The following DMD variants were observed in gnomAD, a reference collection of about 807,000 sequenced individuals.
DMD encodes the protein mutant dystrophin.
Under a neutral mutation model 330.1 loss-of-function variants are expected in DMD, and 63 were observed. The ratio of observed to expected loss-of-function variants is 0.19; its 90% CI spans 0.16 to 0.24. The LOEUF is 0.24. Ranked by LOEUF, DMD falls within the 10% of genes least tolerant of loss-of-function variation. DMD has a pLI of 1.00. For missense variants in DMD, 3,344 were observed against 2,684.1 expected (o/e 1.25, Z -5.43); for synonymous variants, 1,223 against 959.8 (o/e 1.27, Z -5.07).
chrX:32,706,316 T>C (rs1180953042), intron 7 of DMD, among the ~76,000 whole-genome samples: 1 of 107,465 alleles, frequency 9.3e-6, no homozygotes, highest in Non-Finnish European at 1.9e-5. Flanking sequence ...CACACCAACA[T>C]GGCACATGTA....
chrX:31,439,403 A>G (rs1335341010), intron 60 of DMD, among the ~76,000 whole-genome samples: 1 of 112,080 alleles, frequency 8.9e-6, no homozygotes, highest in Non-Finnish European at 1.9e-5. Context: ...TGAAGTTTGC[A>G]AAAGATGAGG....
At chrX:33,237,330 G>A (rs1171595083) in intron 1 of DMD, among the ~76,000 whole-genome samples, 1 of 107,402 alleles carries the variant, frequency 9.3e-6, no homozygotes, top group Non-Finnish European at 1.9e-5. Flanking sequence ...TGCAACCTGT[G>A]CCTTCCAGGT....
At chrX:33,314,729 G>A (rs1376306463) in intron 1 of DMD, among the ~76,000 whole-genome samples, 1 of 108,970 alleles carries the variant, frequency 9.2e-6, no homozygotes, top group Non-Finnish European at 1.9e-5. Context: ...CATTTTCAAA[G>A]CAAGCAGTAT....
At chrX:32,057,821 C>A (rs2096190370) in intron 44 of DMD, among the ~76,000 whole-genome samples, 1 of 111,351 alleles carries the variant, frequency 9.0e-6, no homozygotes, top group Non-Finnish European at 1.9e-5. Context: ...AGGCATCACA[C>A]TTGCTAGTTT....
At chrX:32,240,794 A>G (rs1182768037) in intron 43 of DMD, among the ~76,000 whole-genome samples, 3 of 111,481 alleles carry the variant, frequency 2.7e-5, no homozygotes, top group Non-Finnish European at 5.7e-5. Context: ...CCTCACCAGA[A>G]AGCAAACCAC....
intron 1 of DMD, among the ~76,000 whole-genome samples, chrX:33,203,640 C>T (rs1484498479): frequency 9.2e-6 from 1 of 109,161 alleles, no homozygotes; most frequent in African/African-American, 3.4e-5. Context: ...AGAATTTCAT[C>T]ATTTTTTCTA....
chrX:31,205,767 A>ATCATTTCT (rs2044002396), intron 66 of DMD, among the ~76,000 whole-genome samples: 1 of 112,804 alleles, frequency 8.9e-6, no homozygotes, highest in African/African-American at 3.2e-5. Flanking sequence ...TAGGAGACAG[A>ATCATTTCT]GTGGCTTTTA....
At chrX:32,864,798 AAAG>A (rs746619717) in intron 2 of DMD, among the ~76,000 whole-genome samples, 17 of 111,953 alleles carry the variant, frequency 1.5e-4, no homozygotes, top group Non-Finnish European at 1.7e-4. Flanking sequence ...TATATTAACT[AAAG>A]AAGAAATATC....
rs746787612 is a variant in DMD, at chrX:32,441,222, T to C, written c.3879A>G (p.Glu1293=). 1.7e-6 allele frequency: 2 copies of C among 1,209,297 alleles called. No homozygotes were observed. The highest frequency in any genetic ancestry group is 2.2e-6 in the Non-Finnish European group (2 of 893,598). The change falls in exon 28 of 79, where the codon GAA becomes GAG. Residue 1293 remains glutamate, a synonymous_variant. Transcript: ENST00000357033. ...TTTCCTCAGCTCCGCCAGGAATGTT[T>C]TCAGTGGTTTTAAGTTTAAATTCTA... ...NEVEFKLKTT[E]NIPGGAEEIS...
chrX:32,828,578 T>TCTATAC (rs2078917047), intron 4 of DMD, among the ~76,000 whole-genome samples: 1 of 110,229 alleles, frequency 9.1e-6, no homozygotes, highest in African/African-American at 3.3e-5. Context: ...TACACATATA[T>TCTATAC]ATCTATACAT....
intron 43 of DMD, among the ~76,000 whole-genome samples, chrX:32,255,189 C>T (rs2097293383): frequency 8.9e-6 from 1 of 111,934 alleles, no homozygotes; most frequent in Non-Finnish European, 1.9e-5. Flanking sequence ...GGTCAGTGTA[C>T]ACAGTGTACA....
chrX:32,791,801 G>C (rs1194027500), intron 7 of DMD, among the ~76,000 whole-genome samples: 2 of 111,670 alleles, frequency 1.8e-5, no homozygotes, highest in Non-Finnish European at 3.8e-5. Context: ...GAAACTAAAG[G>C]TTTAGAAACC....
At chrX:31,715,223 G>C (rs974667429) in intron 52 of DMD, among the ~76,000 whole-genome samples, 6 of 104,914 alleles carry the variant, frequency 5.7e-5, no homozygotes, top group African/African-American at 1.1e-4. Context: ...GGGTTGGTGG[G>C]GGGGGAGCTG....
intron 29 of DMD, among the ~76,000 whole-genome samples, chrX:32,434,036 T>G (rs2098249489): frequency 8.9e-6 from 1 of 112,109 alleles, no homozygotes; most frequent in Admixed American, 9.5e-5. Context: ...AATTTATTAC[T>G]TATTTGAATG....
chrX:31,378,271 G>A (rs1401725369), intron 60 of DMD, among the ~76,000 whole-genome samples: 1 of 111,178 alleles, frequency 9.0e-6, no homozygotes, highest in Non-Finnish European at 1.9e-5. Flanking sequence ...TACGACCTCT[G>A]GTCCTCAGAC....
intron 7 of DMD, among the ~76,000 whole-genome samples, chrX:32,782,998 T>G (rs1291869756): frequency 9.6e-6 from 1 of 104,095 alleles, no homozygotes; most frequent in African/African-American, 3.5e-5. Flanking sequence ...TGTGTGTATA[T>G]ATACACACAC....
intron 1 of DMD, among the ~76,000 whole-genome samples, chrX:33,123,727 T>A (rs1203985702): frequency 2.0e-5 from 2 of 97,955 alleles, no homozygotes; most frequent in Non-Finnish European, 3.9e-5. Flanking sequence ...TCAAATGAGT[T>A]TTTTTTTTTT....
chrX:31,295,604 G>A (rs2054127044), intron 62 of DMD, among the ~76,000 whole-genome samples: 1 of 111,081 alleles, frequency 9.0e-6, no homozygotes, highest in Non-Finnish European at 1.9e-5. Flanking sequence ...TAGTAGAGAT[G>A]GGGTTTCACC....
At chrX:32,554,614 A>T (rs1488915848) in intron 16 of DMD, among the ~76,000 whole-genome samples, 1 of 108,828 alleles carries the variant, frequency 9.2e-6, no homozygotes, top group East Asian at 3.0e-4. Context: ...TCTGAAATTG[A>T]GGCAATAATA....
Sources: allele counts gnomAD v4.1 joint callset (sites outside exome capture counted in the v4.1 genomes callset), GRCh38; gene constraint gnomAD v4.1.1; transcripts MANE v1.5; gene names NCBI Gene and HGNC (gene_info 2026-07-23, HGNC 2026-07-21).